Variants in DAAM1 observed in about 807,000 individuals in gnomAD.
DAAM1 encodes dishevelled associated activator of morphogenesis 1.
A neutral mutation model predicts 130.0 loss-of-function variants in DAAM1; 52 were observed. That is an observed-to-expected ratio of 0.40 (90% confidence interval 0.32 to 0.50). DAAM1 has a LOEUF of 0.50. DAAM1 is among the 20% of genes least tolerant of loss of function. DAAM1 has a pLI of 0.61. For synonymous variants in DAAM1, 452 were observed against 444.5 expected, an observed-to-expected ratio of 1.02 and a Z score of -0.21; for missense variants, 1,134 against 1,303.8, an observed-to-expected ratio of 0.87 and a Z score of 2.01.
chr14:59,360,519 G>A (rs112265418), intron 21 of DAAM1: 24 of 240,160 alleles, frequency 1.0e-4, no homozygotes, highest in African/African-American at 4.7e-4. Context: ...AGATTTTTTT[G>A]AGTTTGAAAC....
intron 16 of DAAM1, among the ~76,000 whole-genome samples, chr14:59,344,535 G>A (rs1167582669): frequency 6.6e-6 from 1 of 152,180 alleles, no homozygotes; most frequent in Non-Finnish European, 1.5e-5. Flanking sequence ...GCAACCTATA[G>A]AACCATCCCT....
Position 59,188,729 on chromosome 14 carries a change from G to C in DAAM1, c.-77G>C, listed in dbSNP as rs1887629885. 6.5e-6 allele frequency: 1 copy of C among 152,954 alleles called. No individual in the cohort carries two copies. The highest frequency in any genetic ancestry group is 2.4e-5 in the African/African-American group (1 of 41,468). The allele number at this position is 152,954 out of a possible 1,614,324, so 9.5% of individuals were successfully genotyped here. A position where few individuals can be genotyped will look rare whatever the true frequency, so the allele number is the denominator to read the frequency against. On this transcript the variant is annotated 5_prime_UTR_variant, in exon 1 of 25. Transcript: ENST00000360909. ...GTTTAACCGGATCCCATTGTACCCA[G>C]AGTGCAGAGCCGCCTTTCCAGCATG...
rs567662695 is a variant in DAAM1, at chr14:59,287,497, C to T, written c.184-3720C>T. Among the ~76,000 whole-genome samples the T allele has an allele frequency of 2.6e-5, 4 of 152,132 alleles. No homozygotes were observed. The South Asian group carries it at 8.3e-4, about 32-fold the overall frequency. Reference sequence around the variant, plus strand: ...TAAGAGAGGAAGTCAAACTGTGTCTCTTTATGATGTGTTTCTATACCTAGA... The same window carrying T: ...TAAGAGAGGAAGTCAAACTGTGTCTTTTTATGATGTGTTTCTATACCTAGA... On this transcript the variant is annotated intron_variant, in intron 2 of 24. Transcript: ENST00000360909.
At chr14:59,330,998 G>A (rs1458378212) in intron 13 of DAAM1, among the ~76,000 whole-genome samples, 1 of 152,154 alleles carries the variant, frequency 6.6e-6, no homozygotes, top group Non-Finnish European at 1.5e-5. Context: ...ATGCATCCCA[G>A]ACAAGTACTT....
At chr14:59,315,376 A>C in intron 4 of DAAM1, 25 bp downstream of exon 4, 1 of 1,607,458 alleles carries the variant, frequency 6.2e-7, no homozygotes, top group Non-Finnish European at 8.5e-7. Flanking sequence ...ATGTTCTTTG[A>C]CACACTGTTT....
intron 12 of DAAM1, among the ~76,000 whole-genome samples, chr14:59,329,542 C>T (rs2139631786): frequency 6.6e-6 from 1 of 152,278 alleles, no homozygotes; most frequent in African/African-American, 2.4e-5. Context: ...GAAATAGAGA[C>T]CAGCTCTATT....
chr14:59,221,965 C>A (rs1181830333), intron 1 of DAAM1, among the ~76,000 whole-genome samples: 2 of 152,188 alleles, frequency 1.3e-5, no homozygotes, highest in Non-Finnish European at 2.9e-5. Flanking sequence ...ATTCCTATAC[C>A]TGTGAATCTT....
chr14:59,287,246 A>G (rs1883503905), intron 2 of DAAM1, among the ~76,000 whole-genome samples: 1 of 152,222 alleles, frequency 6.6e-6, no homozygotes. Flanking sequence ...CATGTTAAAA[A>G]AAATCTTCAA....
intron 15 of DAAM1, among the ~76,000 whole-genome samples, chr14:59,336,224 C>A (rs1026380938): frequency 6.6e-6 from 1 of 152,076 alleles, no homozygotes; most frequent in Non-Finnish European, 1.5e-5. Context: ...AGTGTTGAGT[C>A]ATTATCCCAT....
At chr14:59,284,301 C>T (rs1883349940) in intron 2 of DAAM1, among the ~76,000 whole-genome samples, 1 of 152,078 alleles carries the variant, frequency 6.6e-6, no homozygotes, top group Non-Finnish European at 1.5e-5. Context: ...GAAGAAATAA[C>T]AGGACTTGAT....
intron 1 of DAAM1, among the ~76,000 whole-genome samples, chr14:59,262,512 A>C (rs1882213193): frequency 6.6e-6 from 1 of 152,242 alleles, no homozygotes; most frequent in Non-Finnish European, 1.5e-5. Context: ...TTTGAGGATT[A>C]CTGCTATTAG....
At position 59,323,059 on chromosome 14, in the gene DAAM1, A is replaced by G. The variant is rs771611001; in HGVS notation, c.608A>G (p.Glu203Gly). The change falls in exon 6 of 25, where the codon GAG becomes GGG. Residue 203 changes from glutamate to glycine, a missense_variant. Physicochemically the swap from Glu to Gly is moderately conservative, Grantham distance 98. Transcript: ENST00000360909. ...QGRAHVLAHSESINVIAQSLS... is the reference protein window; with the variant it reads ...QGRAHVLAHSGSINVIAQSLS... ...CGGGCTCACGTCCTGGCTCATTCTG[A>G]GAGTATTAATGTAATTGCTCAGAGT... The G allele has an allele frequency of 6.2e-7, 1 of 1,614,034 alleles. No individual in the cohort carries two copies. The highest frequency in any genetic ancestry group is 8.5e-7 in the Non-Finnish European group (1 of 1,179,958).
chr14:59,327,096 C>A, intron 12 of DAAM1, 105 bp downstream of exon 12: 1 of 1,271,604 alleles, frequency 7.9e-7, no homozygotes, highest in South Asian at 1.4e-5. Flanking sequence ...TAGCTTGGTG[C>A]AGGCAGCCTT....
chr14:59,334,369 A>C (rs574711332), intron 15 of DAAM1, among the ~76,000 whole-genome samples: 1 of 152,274 alleles, frequency 6.6e-6, no homozygotes, highest in African/African-American at 2.4e-5. Flanking sequence ...TGCATTATAT[A>C]ATTCACTTGA....
chr14:59,366,935 T>C (rs1048771978), intron 23 of DAAM1, among the ~76,000 whole-genome samples: 9 of 141,816 alleles, frequency 6.3e-5, no homozygotes, highest in African/African-American at 2.3e-4. Context: ...AAAAAAAAAC[T>C]AATAACATAT....
intron 3 of DAAM1, among the ~76,000 whole-genome samples, chr14:59,296,025 T>A (rs1266145871): frequency 2.0e-5 from 3 of 152,236 alleles, no homozygotes; most frequent in African/African-American, 7.2e-5. Context: ...GTACCTGGTT[T>A]AGTCTTCTGC....
At chr14:59,291,122 GT>G (rs1235286427) in intron 2 of DAAM1, 94 bp from the exon 3 acceptor site, 2 of 990,802 alleles carry the variant, frequency 2.0e-6, no homozygotes, top group African/African-American at 3.4e-5. Flanking sequence ...ATGTGTTTGT[GT>G]TTTTGTTTTT....
At chr14:59,362,168 A>G (rs934013976) in intron 22 of DAAM1, 2 of 151,930 alleles carry the variant, frequency 1.3e-5, no homozygotes, top group East Asian at 3.9e-4. Context: ...GCCAGGTCAG[A>G]GCAAGGCCTG....
At chr14:59,261,801 T>G (rs915914154) in intron 1 of DAAM1, among the ~76,000 whole-genome samples, 43 of 152,352 alleles carry the variant, frequency 2.8e-4, no homozygotes, top group African/African-American at 1.0e-3. Flanking sequence ...GAAGATGCCA[T>G]AAGTCGATGG....
Sources: allele counts gnomAD v4.1 joint callset (sites outside exome capture counted in the v4.1 genomes callset), GRCh38; gene constraint gnomAD v4.1.1; transcripts MANE v1.5; gene names NCBI Gene and HGNC (gene_info 2026-07-23, HGNC 2026-07-21).